The following FAM193B variants were observed in gnomAD, a reference collection of about 807,000 sequenced individuals.
FAM193B encodes the protein protein FAM193B.
FAM193B carries 27 observed loss-of-function variants against 70.7 expected under a neutral mutation model. The observed-to-expected ratio is 0.38, with a 90% CI of 0.28 to 0.53. The LOEUF (loss-of-function observed/expected upper bound fraction) is 0.53. FAM193B is among the 20% of genes least tolerant of loss of function. The pLI is 0.81. For missense variants in FAM193B, 1,022 were observed against 1,072.5 expected (o/e 0.95, Z 0.66); for synonymous variants, 448 against 436.0 (o/e 1.03, Z -0.34).
At chr5:177,531,227 G>A (rs983574414) in intron 5 of FAM193B, 1 of 1,217,414 alleles carries the variant, frequency 8.2e-7, no homozygotes, top group Non-Finnish European at 1.1e-6. Flanking sequence ...CTGGGGGTTG[G>A]GGCGAGGGTC....
chr5:177,538,440 G>C lies in FAM193B; in HGVS notation c.454-333C>G, dbSNP rs572356465. 6.6e-6 allele frequency among the ~76,000 whole-genome samples: 1 copy of C among 152,294 alleles called. No individual in the cohort carries two copies. The highest frequency in any genetic ancestry group is 2.4e-5 in the African/African-American group (1 of 41,552). On this transcript the variant is annotated intron_variant, in intron 2 of 8. Coordinates refer to ENST00000514747, the MANE Select transcript of FAM193B (RefSeq NM_001190946.3). This position sits in a 1 kb window ranked among gnomAD's most constrained non-coding sequence, Gnocchi z 4.1. ...TGACCAGGAGTCCTGAAGCTAAACTGTTCCTGGGTAAAAGGGAAGATCTGC... is the reference window on the plus strand; with the variant it reads ...TGACCAGGAGTCCTGAAGCTAAACTCTTCCTGGGTAAAAGGGAAGATCTGC...
rs775806685 is a variant in FAM193B at position 177,521,991 on chromosome 5, G to A, written c.2453C>T (p.Pro818Leu). The change falls in exon 8 of 9, where the codon CCT (proline) becomes CTT (leucine). Residue 818 changes from proline to leucine, a missense_variant. Physicochemically the swap from Pro to Leu is moderately conservative, Grantham distance 98 (BLOSUM62 -3). Transcript: ENST00000514747. ...WTNFSLKKTTPSTAQ is the reference protein window; with the variant it reads ...WTNFSLKKTTLSTAQ ...CTCTGTACCTCACTGAGCTGTGCTA[G>A]GAGTGGTTTTCTTGAGGCTGAAGTT... 9.3e-6 allele frequency: 15 copies of A among 1,613,932 alleles called. No individual in the cohort carries two copies. Among genetic ancestry groups the A allele is most frequent in the Non-Finnish European group, 1.2e-5 (14 of 1,179,820 alleles).
At chr5:177,523,934 G>A (rs1248255333) in intron 7 of FAM193B, 23 bp downstream of exon 7, 1 of 1,612,736 alleles carries the variant, frequency 6.2e-7, no homozygotes, top group Non-Finnish European at 8.5e-7. Context: ...CCACAAGTGG[G>A]AGAGCAGGCA....
chr5:177,532,304 C>G lies in FAM193B; in HGVS notation c.1275+139G>C. 6.7e-7 allele frequency: 1 copy of G among 1,483,870 alleles called. No individual in the cohort carries two copies. The highest frequency in any genetic ancestry group is 1.4e-5 in the African/African-American group (1 of 70,592). The allele number at this position is 1,483,870 out of a possible 1,614,324, so 91.9% of individuals were successfully genotyped here. On this transcript the variant is annotated intron_variant, in intron 5 of 8. Transcript: ENST00000514747. The surrounding 1 kb of genome is among the most constrained non-coding windows in gnomAD (Gnocchi z 4.9). ...AAATGTGCTGTGAGGATCAAGCGAG[C>G]AGACGCAGGTGCAAGGACTCACGGC...
chr5:177,531,437 G>C (rs1024980420), intron 5 of FAM193B: 5 of 1,363,020 alleles, frequency 3.7e-6, no homozygotes, highest in Non-Finnish European at 4.9e-6. Context: ...CCCTTCATGG[G>C]CAGCTCCTCT....
chr5:177,528,318 T>C (rs905827761), intron 5 of FAM193B, among the ~76,000 whole-genome samples: 3 of 152,002 alleles, frequency 2.0e-5, no homozygotes, highest in African/African-American at 7.2e-5. Flanking sequence ...AATGAGCTAA[T>C]GGGTGGAAGG....
chr5:177,529,179 C>T (rs1763082351), intron 5 of FAM193B, among the ~76,000 whole-genome samples: 1 of 151,538 alleles, frequency 6.6e-6, no homozygotes, highest in South Asian at 2.1e-4. Flanking sequence ...AGCAGGGTGT[C>T]TCTCTGCTCC....
intron 1 of FAM193B, chr5:177,551,951 G>C: frequency 1.2e-6 from 1 of 859,394 alleles, no homozygotes; most frequent in Non-Finnish European, 1.4e-6. Context: ...GTCAAAGTGG[G>C]GCATAACTAG....
In FAM193B at chr5:177,531,935, C is replaced by T. The variant is rs78489010; in HGVS notation, c.1275+508G>A. The T allele has an allele frequency of 6.2e-4, 774 of 1,250,246 alleles. 12 individuals are homozygous for T. In the East Asian group the frequency reaches 0.032, roughly 51 times the overall value. The allele number at this position is 1,250,246 out of a possible 1,614,324, so 77.4% of individuals were successfully genotyped here. ...TCCTCAGCTGCTCTACCCTAACCAGCGGCCCTCTCCTCTTCACCTTATGAG... is the reference window on the plus strand; with the variant it reads ...TCCTCAGCTGCTCTACCCTAACCAGTGGCCCTCTCCTCTTCACCTTATGAG... On this transcript the variant is annotated intron_variant, in intron 5 of 8. Coordinates refer to ENST00000514747, the MANE Select transcript of FAM193B (RefSeq NM_001190946.3).
intron 1 of FAM193B, among the ~76,000 whole-genome samples, chr5:177,542,831 C>T (rs1183083042): frequency 6.6e-6 from 1 of 152,198 alleles, no homozygotes; most frequent in Admixed American, 6.5e-5. Flanking sequence ...ATCTTCCATC[C>T]CTTCTACAAG....
chr5:177,536,360 G>A lies in FAM193B; in HGVS notation c.1074C>T (p.His358=). ...PPSSQPLPST[H]RDPGCKGHKF... ...TGCCCTTCATGCAGCACACTTACCT[G>A]TGAGTGCTAGGGAGTGGCTGAGAGC... is the stretch of plus-strand genomic sequence containing the variant. Residue 358 remains histidine, a splice_region_variant and synonymous_variant, in exon 4 of 9, where the codon CAC becomes CAT. Transcript: ENST00000514747. 6.2e-7 allele frequency: 1 copy of A among 1,607,926 alleles called. No individual in the cohort carries two copies. Among genetic ancestry groups the A allele is most frequent in the Non-Finnish European group, 8.5e-7 (1 of 1,178,110 alleles).
chr5:177,536,737 A>C lies in FAM193B; in HGVS notation c.697T>G (p.Phe233Val). 6.4e-7 allele frequency: 1 copy of C among 1,555,688 alleles called. No homozygotes were observed. The highest frequency in any genetic ancestry group is 8.7e-7 in the Non-Finnish European group (1 of 1,151,232). The change falls in exon 4 of 9, where the codon TTC becomes GTC. Residue 233 changes from phenylalanine (F) to valine (V), a missense_variant. Coordinates refer to ENST00000514747, the MANE Select transcript of FAM193B (RefSeq NM_001190946.3). The stretch of plus-strand genomic sequence containing the variant: ...TGCTGGTGGTGCTCCGAGACGGGGA[A>C]AGCCTCACCTGTGGGCAGAGGGAGG... Reference protein sequence around the residue: ...GSPPTIPGEAFPVSEHHQHSD... With the variant: ...GSPPTIPGEAVPVSEHHQHSD...
At position 177,550,862 on chromosome 5, in the gene FAM193B, C is replaced by T. The variant is rs139985707; in HGVS notation, c.210+3387G>A. Among the ~76,000 whole-genome samples the T allele has an allele frequency of 2.0e-3, 300 of 152,270 alleles. 1 individual carries two copies. The highest frequency in any genetic ancestry group is 6.6e-3 in the African/African-American group (275 of 41,550). On this transcript the variant is annotated intron_variant, in intron 1 of 8. Coordinates refer to ENST00000514747, the MANE Select transcript of FAM193B (RefSeq NM_001190946.3). ...TATTTTAAAAGGAGACGGTGTTTCC[C>T]TCTCTCCCCCAGGCTGGGGTGCAGT...
At position 177,532,119 on chromosome 5, in the gene FAM193B, A is replaced by G. The variant is rs1481402425; in HGVS notation, c.1275+324T>C. The G allele has an allele frequency of 1.5e-6, 2 of 1,333,530 alleles. No homozygotes were observed. The highest frequency in any genetic ancestry group is 1.5e-5 in the African/African-American group (1 of 67,712). The allele number at this position is 1,333,530 out of a possible 1,614,324, so 82.6% of individuals were successfully genotyped here. A position where few individuals can be genotyped will look rare whatever the true frequency, so the allele number is the denominator to read the frequency against. On this transcript the variant is annotated intron_variant, in intron 5 of 8. Coordinates refer to ENST00000514747, the MANE Select transcript of FAM193B (RefSeq NM_001190946.3). The surrounding 1 kb of genome is among the most constrained non-coding windows in gnomAD (Gnocchi z 4.9). ...TTCCACTCTGCCTTCATCACTCCCA[A>G]GCGTTCACTTCTCTGGGATTACACA... is the stretch of plus-strand genomic sequence containing the variant.
chr5:177,536,921 T>C (rs938262997), intron 3 of FAM193B, among the ~76,000 whole-genome samples, 176 bp from the exon 4 acceptor site: 9 of 152,182 alleles, frequency 5.9e-5, no homozygotes, highest in Non-Finnish European at 1.2e-4. Flanking sequence ...CTGAGCAGGC[T>C]CAAGGAGCCC....
Position 177,524,455 on chromosome 5 carries a change from T to C in FAM193B, c.2026A>G (p.Arg676Gly). The C allele has an allele frequency of 6.2e-7, 1 of 1,611,198 alleles. No homozygotes were observed. The highest frequency in any genetic ancestry group is 8.5e-7 in the Non-Finnish European group (1 of 1,178,862). ...GQVAGPKQPG[R>G]VLELPKVGSC... ...CCTACTTTGGGAAGCTCTAGGACCC[T>C]GCCTGGCTGCTTGGGGCCAGCGACC... The change falls in exon 6 of 9, where the codon AGG (arginine) becomes GGG (glycine). Residue 676 changes from arginine (R) to glycine (G), a missense_variant. Coordinates refer to ENST00000514747, the MANE Select transcript of FAM193B (RefSeq NM_001190946.3).
rs149867233 is a variant in FAM193B, at chr5:177,534,688, G to T, written c.1076+1670C>A. The stretch of plus-strand genomic sequence containing the variant: ...TTCAGTGGCACGATGTCAGCTCACT[G>T]CAGCCTGTATCTCCCAGGCTCAAGC... On this transcript the variant is annotated intron_variant, in intron 4 of 8. Transcript: ENST00000514747. Among the ~76,000 whole-genome samples the T allele has an allele frequency of 7.9e-5, 12 of 152,234 alleles. No individual in the cohort carries two copies. The East Asian group carries it at 2.3e-3, about 29-fold the overall frequency.
At chr5:177,542,502 A>G (rs1246462696) in intron 1 of FAM193B, among the ~76,000 whole-genome samples, 1 of 152,248 alleles carries the variant, frequency 6.6e-6, no homozygotes, top group Non-Finnish European at 1.5e-5. Context: ...CACAAACGTG[A>G]GTCTCTCATA....
chr5:177,545,831 T>C (rs1379205429), intron 1 of FAM193B, among the ~76,000 whole-genome samples: 2 of 152,176 alleles, frequency 1.3e-5, no homozygotes, highest in East Asian at 3.8e-4. Flanking sequence ...ATCCCATGGA[T>C]TCTTTTTCAT....
Sources: gnomAD v4.1 joint callset for allele counts (sites outside exome capture counted in the v4.1 genomes callset) on GRCh38, gnomAD v4.1.1 for gene constraint, Gnocchi (gnomAD v3.1) non-coding constraint, MANE v1.5 for transcripts, NCBI Gene and HGNC (gene_info 2026-07-23, HGNC 2026-07-21) for gene names.